The following VWF variants were observed in gnomAD, a reference collection of about 807,000 sequenced individuals.
VWF encodes von Willebrand factor.
VWF carries 176 observed loss-of-function variants against 308.6 expected under a neutral mutation model. The observed-to-expected ratio is 0.57, with a 90% confidence interval of 0.50 to 0.65. The LOEUF (loss-of-function observed/expected upper bound fraction) is 0.65, where lower values mean the gene tolerates loss of function less well. VWF is among the 30% of genes least tolerant of loss of function. The pLI is 0.00. For missense variants in VWF, 3,146 were observed against 3,648.2 expected (o/e 0.86, Z 3.55); for synonymous variants, 1,385 against 1,443.4 (o/e 0.96, Z 0.92).
At position 6,082,860 on chromosome 12, in the gene VWF, A is replaced by G. The variant is rs150695106; in HGVS notation, c.658-7309T>C. On this transcript the variant is annotated intron_variant, in intron 6 of 51. Transcript: ENST00000261405. ...TTTTAACACTAGTGATGGGGTGCAA[A>G]CCCTGAGTGCCTGAGTCCATTCCAA... 8.6e-3 allele frequency among the ~76,000 whole-genome samples: 1,307 copies of G among 152,118 alleles called. 13 individuals are homozygous for G. Among genetic ancestry groups the G allele is most frequent in the African/African-American group, 0.029 (1,224 of 41,506 alleles).
At chr12:6,037,912 T>C (rs984521329) in intron 18 of VWF, among the ~76,000 whole-genome samples, 10 of 152,162 alleles carry the variant, frequency 6.6e-5, no homozygotes, top group African/African-American at 1.7e-4. Flanking sequence ...GTTGGGGCGG[T>C]TGGGGGGAGG....
chr12:6,013,953 T>A (rs936072136), intron 31 of VWF, among the ~76,000 whole-genome samples: 3 of 152,084 alleles, frequency 2.0e-5, no homozygotes, highest in Admixed American at 6.5e-5. Flanking sequence ...CAGATGTGGA[T>A]AAATGCTTAG....
chr12:6,095,312 A>T (rs1945093494), intron 6 of VWF, 148 bp downstream of exon 6: 1 of 1,263,428 alleles, frequency 7.9e-7, no homozygotes, highest in Middle Eastern at 2.3e-4. Flanking sequence ...TATTAGAATT[A>T]GACTCTAGCC....
chr12:5,970,128 C>A (rs1019023585), intron 44 of VWF, among the ~76,000 whole-genome samples: 6 of 152,126 alleles, frequency 3.9e-5, no homozygotes, highest in African/African-American at 1.2e-4. Flanking sequence ...CTTCACCCCC[C>A]ACTCCTGACT....
chr12:6,095,973 T>C (rs1945101544), intron 5 of VWF: 4 of 340,708 alleles, frequency 1.2e-5, no homozygotes. Context: ...CACCAGGCTC[T>C]AGGTCTGTTT....
intron 34 of VWF, 88 bp downstream of exon 34, chr12:6,011,529 G>A: frequency 1.7e-6 from 2 of 1,177,804 alleles, no homozygotes; most frequent in South Asian, 1.3e-5. Flanking sequence ...CTTCTGGGCT[G>A]GTGGGTGCCT....
intron 37 of VWF, among the ~76,000 whole-genome samples, chr12:5,993,398 C>T (rs1274559042): frequency 1.3e-5 from 2 of 152,264 alleles, no homozygotes; most frequent in East Asian, 3.9e-4. Context: ...AATGATTCTA[C>T]TTGCACTTCA....
chr12:6,116,845 G>A (rs957020465), intron 3 of VWF, among the ~76,000 whole-genome samples: 6 of 152,218 alleles, frequency 3.9e-5, no homozygotes, highest in African/African-American at 1.2e-4. Context: ...GCACTCGGGA[G>A]GAATGTGGAT....
rs1043399177 is a variant in VWF at position 5,953,516 on chromosome 12, C to T, written c.7966G>A (p.Gly2656Arg). 1 of 1,613,984 alleles carries T rather than the reference C, an allele frequency of 6.2e-7. No individual in the cohort carries two copies. The highest frequency in any genetic ancestry group is 1.3e-5 in the African/African-American group (1 of 74,882). The change falls in exon 48 of 52, where the codon GGA (glycine) becomes AGA (arginine). Residue 2656 changes from glycine (G) to arginine (R), a missense_variant. By Grantham distance (125) the Gly-to-Arg change is moderately radical. This residue lies in a region of VWF where 989 missense variants were observed against 1,117.4 expected (regional missense o/e 0.89). Coordinates refer to ENST00000261405, the MANE Select transcript of VWF (RefSeq NM_000552.5). ...PTACTIQLRGGQIMTLKRDET... is the reference protein window; with the variant it reads ...PTACTIQLRGRQIMTLKRDET... ...CCTACCTTCAGTGTCATGATCTGTC[C>T]TCCTCTTAGCTGAATGGTGCAAGCC...
Position 6,071,737 on chromosome 12 carries a change from T to G in VWF, c.1110-394A>C, listed in dbSNP as rs191717319. Among the ~76,000 whole-genome samples the G allele has an allele frequency of 2.2e-4, 34 of 152,212 alleles. No homozygotes were observed. The East Asian group carries it at 6.6e-3, about 29-fold the overall frequency. The stretch of plus-strand genomic sequence containing the variant: ...GGTGGGCGGTGGCCGACTGAGAACC[T>G]GGGGGCTCAGTGCACACAGAAGGCT... On this transcript the variant is annotated intron_variant, in intron 9 of 51. Coordinates refer to ENST00000261405, the MANE Select transcript of VWF (RefSeq NM_000552.5).
chr12:6,038,380 G>A (rs1216237251), intron 18 of VWF, among the ~76,000 whole-genome samples: 2 of 152,186 alleles, frequency 1.3e-5, no homozygotes, highest in Admixed American at 1.3e-4. Flanking sequence ...CGGACTCCAG[G>A]AAACAGAGCC....
Position 5,969,373 on chromosome 12 carries a change from A to T in VWF, c.7567T>A (p.Ser2523Thr). ...TTGATGAGGCAGGGGTTCTCCGGGG[A>T]GGCCCACTGGGAGCCGACCTGCAGG... ...SWKSVGSQWA[S>T]PENPCLINEC... The change falls in exon 45 of 52, where the codon TCC becomes ACC. Residue 2523 changes from serine to threonine, a missense_variant. Coordinates refer to ENST00000261405, the MANE Select transcript of VWF (RefSeq NM_000552.5). 6.2e-7 allele frequency: 1 copy of T among 1,614,172 alleles called. No homozygotes were observed. Among genetic ancestry groups the T allele is most frequent in the Non-Finnish European group, 8.5e-7 (1 of 1,180,012 alleles).
chr12:5,964,806 G>C (rs548656121), intron 47 of VWF, among the ~76,000 whole-genome samples: 1 of 152,214 alleles, frequency 6.6e-6, no homozygotes, highest in African/African-American at 2.4e-5. Flanking sequence ...GCCAAGAAAA[G>C]GAAAGGTGGA....
At chr12:6,102,961 C>T (rs553423575) in intron 5 of VWF, among the ~76,000 whole-genome samples, 83 of 152,218 alleles carry the variant, frequency 5.5e-4, no homozygotes, top group South Asian at 1.2e-3. Context: ...AAGCTGGAGG[C>T]ATCACAATAT....
intron 47 of VWF, among the ~76,000 whole-genome samples, chr12:5,956,749 TTG>T (rs1413621629): frequency 1.3e-5 from 2 of 152,150 alleles, no homozygotes; most frequent in African/African-American, 4.8e-5. Flanking sequence ...TACAATGTGT[TTG>T]TGTTTTAAGC....
At chr12:6,037,182 G>A (rs1944346036) in intron 18 of VWF, among the ~76,000 whole-genome samples, 1 of 152,124 alleles carries the variant, frequency 6.6e-6, no homozygotes, top group Non-Finnish European at 1.5e-5. Flanking sequence ...TGGTGAGCTG[G>A]GATAGGCGAG....
chr12:6,041,493 G>A (rs1269697290), intron 18 of VWF, among the ~76,000 whole-genome samples: 5 of 151,578 alleles, frequency 3.3e-5, no homozygotes, highest in Non-Finnish European at 7.4e-5. Context: ...CTGTCGCTCA[G>A]GCTGGAGTGC....
chr12:6,031,102 T>TACAC (rs67042989), intron 21 of VWF, among the ~76,000 whole-genome samples: 11 of 151,168 alleles, frequency 7.3e-5, no homozygotes, highest in African/African-American at 2.2e-4. Context: ...CATCACTTCA[T>TACAC]ACACACACAC....
At chr12:5,984,978 C>T (rs1254620582) in intron 40 of VWF, 67 bp downstream of exon 40, 1 of 1,545,190 alleles carries the variant, frequency 6.5e-7, no homozygotes, top group Admixed American at 1.7e-5. Context: ...CCTTTCAGCA[C>T]CTTCAACGTG....
Sources: gnomAD v4.1 joint callset for allele counts (sites outside exome capture counted in the v4.1 genomes callset) on GRCh38, gnomAD v4.1.1 for gene constraint, gnomAD v4.1.1 regional missense constraint, MANE v1.5 for transcripts, NCBI Gene and HGNC (gene_info 2026-07-23, HGNC 2026-07-21) for gene names.